CRYBG1: variants seen among roughly 807,000 people sequenced by gnomAD.
CRYBG1 encodes beta/gamma crystallin domain-containing protein 1.
CRYBG1 carries 139 observed loss-of-function variants against 189.2 expected under a neutral mutation model. That is an observed-to-expected ratio of 0.73 (90% CI 0.64 to 0.85). The LOEUF (loss-of-function observed/expected upper bound fraction) is 0.85, where lower values mean the gene tolerates loss of function less well. Ranked by LOEUF, CRYBG1 falls within the 40% of genes least tolerant of loss-of-function variation. The pLI is 0.00. For synonymous variants in CRYBG1, 1,023 were observed against 1,017.1 expected, an observed-to-expected ratio of 1.01 and a Z score of -0.11; for missense variants, 2,611 against 2,675.8, an observed-to-expected ratio of 0.98 and a Z score of 0.53.
chr6:106,372,032 C>G (rs1239990388), intron 1 of CRYBG1, among the ~76,000 whole-genome samples: 1 of 152,176 alleles, frequency 6.6e-6, no homozygotes, highest in Non-Finnish European at 1.5e-5. Flanking sequence ...CAGAGACGCT[C>G]CTCAGGAATT....
chr6:106,364,478 G>A (rs1313966056), intron 1 of CRYBG1, among the ~76,000 whole-genome samples: 4 of 152,054 alleles, frequency 2.6e-5, no homozygotes, highest in African/African-American at 9.7e-5. Flanking sequence ...ATTTGAACTT[G>A]GCTACTTCTC....
At chr6:106,423,253 T>G (rs1396413735) in intron 1 of CRYBG1, among the ~76,000 whole-genome samples, 1 of 44,512 alleles carries the variant, frequency 2.2e-5, no homozygotes, top group Non-Finnish European at 6.2e-5. Context: ...GTTGGCTGGT[T>G]TTTTTTTTTT....
intron 1 of CRYBG1, among the ~76,000 whole-genome samples, chr6:106,382,868 A>G (rs1770312032): frequency 6.6e-6 from 1 of 152,230 alleles, no homozygotes; most frequent in South Asian, 2.1e-4. Context: ...TACCTGATGA[A>G]TCATTGTCCT....
intron 1 of CRYBG1, among the ~76,000 whole-genome samples, chr6:106,436,799 T>C (rs1743271493): frequency 1.3e-5 from 2 of 152,308 alleles, no homozygotes; most frequent in South Asian, 4.1e-4. Context: ...ATTATTTCCT[T>C]CAAATCATTT....
intron 2 of CRYBG1, among the ~76,000 whole-genome samples, chr6:106,498,016 G>A (rs1282828739): frequency 1.3e-5 from 2 of 151,440 alleles, no homozygotes; most frequent in African/African-American, 2.4e-5. Context: ...CATGAGAATC[G>A]CTTGAACCCA....
At chr6:106,481,983 AC>A (rs1474393049) in intron 2 of CRYBG1, among the ~76,000 whole-genome samples, 2 of 151,366 alleles carry the variant, frequency 1.3e-5, no homozygotes, top group African/African-American at 4.9e-5. Context: ...CCTGACTGAT[AC>A]ACGTTCTCTC....
At chr6:106,514,411 G>A (rs986878327) in intron 3 of CRYBG1, among the ~76,000 whole-genome samples, 2 of 152,324 alleles carry the variant, frequency 1.3e-5, no homozygotes, top group East Asian at 3.9e-4. Context: ...GAGGAGGAGA[G>A]TTCTGATTGG....
At chr6:106,487,169 T>G (rs1772609822) in intron 2 of CRYBG1, among the ~76,000 whole-genome samples, 1 of 152,210 alleles carries the variant, frequency 6.6e-6, no homozygotes, top group Non-Finnish European at 1.5e-5. Flanking sequence ...CAACTTAACT[T>G]TGGTTCCATA....
chr6:106,406,619 G>A (rs1230901982), intron 1 of CRYBG1, among the ~76,000 whole-genome samples: 3 of 152,162 alleles, frequency 2.0e-5, no homozygotes, highest in East Asian at 3.9e-4. Flanking sequence ...AGGAAAAAAT[G>A]TTAAGGGCAG....
intron 1 of CRYBG1, among the ~76,000 whole-genome samples, chr6:106,391,928 CGTGTGTGTGTGTGTGTGT>C (rs57024907): frequency 3.8e-5 from 5 of 131,404 alleles, no homozygotes; most frequent in Admixed American, 7.8e-5. Context: ...TTGTTTAAAA[CGTGTGTGTGTGTGTGTGT>C]GTGTGTGTGT....
Position 106,422,344 on chromosome 6 carries a change from A to ATTTATTTATTTTTTTTTTTTT in CRYBG1, c.174-29347_174-29346insATTTATTTTTTTTTTTTTTTT, listed in dbSNP as rs57640822. Among the ~76,000 whole-genome samples, 88 of 139,976 alleles carry ATTTATTTATTTTTTTTTTTTT rather than the reference A, an allele frequency of 6.3e-4. 1 individual carries two copies. The highest frequency in any genetic ancestry group is 2.5e-3 in the South Asian group (10 of 4,014). 91.8% of individuals were successfully genotyped at this position (139,976 alleles called of 152,430 possible). A position where few individuals can be genotyped will look rare whatever the true frequency, so the allele number is the denominator to read the frequency against. ...TTGTTATTTATTTATTTATTTATTT[A>ATTTATTTATTTTTTTTTTTTT]TTTTTGAGACATGGTCTCACTTGGT... On this transcript the variant is annotated intron_variant, in intron 1 of 21. Coordinates refer to ENST00000633556, the MANE Select transcript of CRYBG1 (RefSeq NM_001371242.2).
At chr6:106,538,647 C>T (rs891519224) in intron 8 of CRYBG1, among the ~76,000 whole-genome samples, 10 of 152,078 alleles carry the variant, frequency 6.6e-5, no homozygotes, top group Admixed American at 4.6e-4. Flanking sequence ...ATCCCAGCAC[C>T]TTTGGGAGGC....
intron 2 of CRYBG1, among the ~76,000 whole-genome samples, chr6:106,467,880 A>G (rs546165501): frequency 4.6e-5 from 7 of 152,328 alleles, no homozygotes; most frequent in African/African-American, 1.4e-4. Flanking sequence ...TACATTTCCA[A>G]AATCTGAATA....
chr6:106,481,876 A>T (rs906808648), intron 2 of CRYBG1, among the ~76,000 whole-genome samples: 32 of 152,308 alleles, frequency 2.1e-4, no homozygotes, highest in African/African-American at 7.7e-4. Flanking sequence ...GGGATAGGAT[A>T]CTACTCATGG....
chr6:106,559,086 G>T (rs1488634422), intron 18 of CRYBG1, among the ~76,000 whole-genome samples: 2 of 152,118 alleles, frequency 1.3e-5, no homozygotes, highest in Non-Finnish European at 2.9e-5. Flanking sequence ...CTTTTCCACT[G>T]GGAAAAGTCA....
At chr6:106,420,485 A>G (rs1771103420) in intron 1 of CRYBG1, among the ~76,000 whole-genome samples, 2 of 152,250 alleles carry the variant, frequency 1.3e-5, no homozygotes. Context: ...AAGCCATGAC[A>G]CAAGGTTGTG....
intron 2 of CRYBG1, among the ~76,000 whole-genome samples, chr6:106,482,849 C>T (rs1772499486): frequency 6.7e-6 from 1 of 148,792 alleles, no homozygotes; most frequent in South Asian, 2.1e-4. Context: ...GGCCAACAGT[C>T]TTTAAATTTT....
At chr6:106,515,361 G>C (rs1285917547) in intron 3 of CRYBG1, among the ~76,000 whole-genome samples, 1 of 152,172 alleles carries the variant, frequency 6.6e-6, no homozygotes, top group Non-Finnish European at 1.5e-5. Context: ...AGAAAGTTTG[G>C]TTGTAAAATT....
intron 2 of CRYBG1, among the ~76,000 whole-genome samples, chr6:106,455,546 TCTTCAAA>T (rs1771869232): frequency 6.6e-6 from 1 of 151,710 alleles, no homozygotes; most frequent in South Asian, 2.1e-4. Context: ...AAATATAATA[TCTTCAAA>T]GAGAGTACTT....
Sources: allele counts gnomAD v4.1 joint callset (sites outside exome capture counted in the v4.1 genomes callset), GRCh38; gene constraint gnomAD v4.1.1; transcripts MANE v1.5; gene names NCBI Gene and HGNC (gene_info 2026-07-23, HGNC 2026-07-21).